Variants in UNC50 observed in about 807,000 individuals in gnomAD.
UNC50 encodes the protein protein unc-50 homolog.
Under a neutral mutation model 31.5 loss-of-function variants are expected in UNC50, and 24 were observed. The observed-to-expected ratio is 0.76, with a 90% CI of 0.55 to 1.07. The LOEUF (loss-of-function observed/expected upper bound fraction) is 1.07, where lower values mean the gene tolerates loss of function less well. Among genes scored for constraint, UNC50 ranks in the 50% least tolerant of loss-of-function variants. The pLI, the probability that UNC50 is intolerant of heterozygous loss-of-function variation, is 0.00. For synonymous variants in UNC50, 118 were observed against 114.7 expected (o/e 1.03, Z -0.18); for missense variants, 245 against 304.2 (o/e 0.81, Z 1.45).
intron 5 of UNC50, 46 bp from the exon 6 acceptor site, chr2:98,618,118 CATTT>C (rs1553534033): frequency 6.2e-6 from 8 of 1,289,948 alleles, no homozygotes; most frequent in South Asian, 4.5e-5. Flanking sequence ...ATTTATTAGT[CATTT>C]ATTTTTTTTT....
chr2:98,611,989 C>CCACA (rs150818166), intron 3 of UNC50, among the ~76,000 whole-genome samples: 1 of 143,034 alleles, frequency 7.0e-6, no homozygotes, highest in Non-Finnish European at 1.6e-5. Context: ...CCCCCCACCG[C>CCACA]CACACACACA....
At position 98,618,148 on chromosome 2, in the gene UNC50, T is replaced by C. The variant is rs759333255; in HGVS notation, c.644-20T>C. ...ATTTTTTTTTTTTTTTAAATCAGTT[T>C]GGATTCCTTTCTTTTCCAGCATTGC... On this transcript the variant is annotated intron_variant, in intron 5 of 5. Transcript: ENST00000357765. 5.9e-6 allele frequency: 9 copies of C among 1,521,038 alleles called. No homozygotes were observed. The South Asian group carries it at 1.2e-4, about 19-fold the overall frequency. 94.2% of individuals were successfully genotyped at this position (1,521,038 alleles called of 1,614,324 possible). A position where few individuals can be genotyped will look rare whatever the true frequency, so the allele number is the denominator to read the frequency against.
At chr2:98,618,014 C>T (rs1700961769) in intron 5 of UNC50, 154 bp from the exon 6 acceptor site, 1 of 801,084 alleles carries the variant, frequency 1.2e-6, no homozygotes, top group South Asian at 2.1e-5. Context: ...GAAGAGTAGT[C>T]TAGTTCTGGG....
intron 1 of UNC50, chr2:98,609,552 C>G (rs1477371221): frequency 2.9e-6 from 2 of 699,416 alleles, no homozygotes; most frequent in Non-Finnish European, 4.9e-6. Flanking sequence ...GGGCTGTTGC[C>G]CTTGCCTGAG....
At chr2:98,616,830 C>T (rs1575232214) in intron 5 of UNC50, among the ~76,000 whole-genome samples, 1 of 152,220 alleles carries the variant, frequency 6.6e-6, no homozygotes, top group East Asian at 1.9e-4. Context: ...TACTGGTTAT[C>T]TCCAGATGAC....
In UNC50 at chr2:98,609,855, C is replaced by G; in HGVS notation, c.96C>G (p.Tyr32Ter). Residue 32 changes from tyrosine to a stop codon, truncating the protein, a stop_gained, in exon 2 of 6, where the codon TAC (tyrosine) becomes TAG (stop). Transcript: ENST00000357765. LOFTEE classifies it high-confidence loss of function. ...GACACACAGCCGGAGCGAAACGCTACAAATATCTGAGAAGGCTTTTCCGCT... is the reference window on the plus strand; with the variant it reads ...GACACACAGCCGGAGCGAAACGCTAGAAATATCTGAGAAGGCTTTTCCGCT... The part of the protein sequence containing the change: ...AARHTAGAKR[Y>*]KYLRRLFRFR... 2.5e-6 allele frequency: 4 copies of G among 1,614,216 alleles called. No homozygotes were observed. Among genetic ancestry groups the G allele is most frequent in the Non-Finnish European group, 3.4e-6 (4 of 1,180,040 alleles).
rs991828158 is a variant in UNC50, at chr2:98,618,344, A to C, written c.*40A>C. On this transcript the variant is annotated 3_prime_UTR_variant, in exon 6 of 6. Coordinates refer to ENST00000357765, the MANE Select transcript of UNC50 (RefSeq NM_014044.7). ...ATTCAATCGTAACTGTGTCAACAGT[A>C]TTGTGAAGTGATCATTTCTTGTAAA... 1 of 1,538,350 alleles carries C rather than the reference A, an allele frequency of 6.5e-7. No homozygotes were observed. Among genetic ancestry groups the C allele is most frequent in the Non-Finnish European group, 8.7e-7 (1 of 1,143,060 alleles).
intron 3 of UNC50, among the ~76,000 whole-genome samples, chr2:98,615,558 C>T (rs987334322): frequency 8.5e-5 from 13 of 152,160 alleles, no homozygotes; most frequent in Admixed American, 2.0e-4. Context: ...TTCAGAGTAT[C>T]GTGTGTGCCA....
In UNC50 at chr2:98,618,154, CCTTT is replaced by C; in HGVS notation, c.644-9_644-6del. 7 of 1,482,596 alleles carry C rather than the reference CCTTT, an allele frequency of 4.7e-6. No individual in the cohort carries two copies. Among genetic ancestry groups the C allele is most frequent in the Non-Finnish European group, 5.4e-6 (6 of 1,113,784 alleles). 91.8% of individuals were successfully genotyped at this position (1,482,596 alleles called of 1,614,324 possible). On this transcript the variant is annotated splice_polypyrimidine_tract_variant and intron_variant, in intron 5 of 5. Transcript: ENST00000357765. The stretch of plus-strand genomic sequence containing the variant: ...TTTTTTTTTTAAATCAGTTTGGATT[CCTTT>C]CTTTTCCAGCATTGCCATTTTTGAA...
Position 98,617,293 on chromosome 2 carries a change from C to G in UNC50, c.643+760C>G, listed in dbSNP as rs573826379. 4.2e-4 allele frequency among the ~76,000 whole-genome samples: 64 copies of G among 152,300 alleles called. No homozygotes were observed. The South Asian group carries it at 0.012, about 28-fold the overall frequency. The stretch of plus-strand genomic sequence containing the variant: ...GTAAATACAGATGGCTCTGACTATG[C>G]CTGGCTCCGGAGTTATTCCCACCCC... On this transcript the variant is annotated intron_variant, in intron 5 of 5. Coordinates refer to ENST00000357765, the MANE Select transcript of UNC50 (RefSeq NM_014044.7).
At chr2:98,611,968 GC>G (rs1336436643) in intron 3 of UNC50, among the ~76,000 whole-genome samples, 10 of 100,044 alleles carry the variant, frequency 1.0e-4, no homozygotes, top group African/African-American at 2.5e-4. Flanking sequence ...CACACCCTCC[GC>G]CCCCCCCGCC....
At chr2:98,612,170 ATGG>A (rs1190962901) in intron 3 of UNC50, among the ~76,000 whole-genome samples, 1 of 152,194 alleles carries the variant, frequency 6.6e-6, no homozygotes, top group Non-Finnish European at 1.5e-5. Flanking sequence ...TTGGGTAGAC[ATGG>A]TGGTCATTGT....
chr2:98,610,961 A>G (rs184868604), intron 3 of UNC50, 66 bp downstream of exon 3: 2 of 1,520,652 alleles, frequency 1.3e-6, no homozygotes, highest in African/African-American at 1.4e-5. Context: ...CTTCAGAGGT[A>G]CAATAGCAGC....
Position 98,609,881 on chromosome 2 carries a change from T to C in UNC50, c.122T>C (p.Phe41Ser). Residue 41 changes from phenylalanine (F) to serine (S), a missense_variant, in exon 2 of 6, where the codon TTT becomes TCT. Phe to Ser is a radical substitution (Grantham distance 155). Transcript: ENST00000357765. The part of the protein sequence containing the change: ...RYKYLRRLFR[F>S]RQMDFEFAAW... ...AAATATCTGAGAAGGCTTTTCCGCT[T>C]TCGGCAAATGGACTTTGAATTTGCT... 1 of 1,614,242 alleles carries C rather than the reference T, an allele frequency of 6.2e-7. No individual in the cohort carries two copies. Among genetic ancestry groups the C allele is most frequent in the Non-Finnish European group, 8.5e-7 (1 of 1,180,038 alleles).
chr2:98,610,015 G>A lies in UNC50; in HGVS notation c.256G>A (p.Val86Ile), dbSNP rs927073538. ...QWARDDPAFL[V>I]LLSIWLCVST... ...GGCCAGAGATGACCCTGCTTTCTTG[G>A]TCCTGTTAAGTATCTGGCTCTGTGG... The change falls in exon 2 of 6, where the codon GTC (valine) becomes ATC (isoleucine). Residue 86 changes from valine (V) to isoleucine (I), a missense_variant. Transcript: ENST00000357765. The A allele has an allele frequency of 6.2e-7, 1 of 1,613,822 alleles. No homozygotes were observed. The highest frequency in any genetic ancestry group is 8.5e-7 in the Non-Finnish European group (1 of 1,179,704).
intron 3 of UNC50, among the ~76,000 whole-genome samples, chr2:98,613,806 A>G (rs1424430976): frequency 6.6e-6 from 1 of 152,250 alleles, no homozygotes; most frequent in East Asian, 1.9e-4. Context: ...TTGAGAACCT[A>G]TGTTGTGTGA....
intron 1 of UNC50, chr2:98,609,244 G>T (rs192860824): frequency 5.6e-5 from 9 of 159,694 alleles, no homozygotes; most frequent in Admixed American, 4.9e-4. Flanking sequence ...CTAGGGATCG[G>T]AGTTTTTCTT....
Position 98,616,217 on chromosome 2 carries a change from AAC to A in UNC50, c.414_415del (p.Asn138LysfsTer12). ...TAATTTTGCTCTTAGGTTCATCTCT[AAC>A]AAGTATTTAGTGAAACGACAGAGCA... is the stretch of plus-strand genomic sequence containing the variant. Reference protein sequence around the residue: ...LIATLMWFISNKYLVKRQSRD... With the variant: ...LIATLMWFISXKYLVKRQSRD... On this transcript the variant is annotated frameshift_variant, in exon 4 of 6. Coordinates refer to ENST00000357765, the MANE Select transcript of UNC50 (RefSeq NM_014044.7). LOFTEE classifies it high-confidence loss of function. 2 of 1,609,994 alleles carry A rather than the reference AAC, an allele frequency of 1.2e-6. No individual in the cohort carries two copies. The highest frequency in any genetic ancestry group is 1.7e-6 in the Non-Finnish European group (2 of 1,178,904).
intron 5 of UNC50, among the ~76,000 whole-genome samples, chr2:98,616,796 C>T (rs1482547468): frequency 1.3e-5 from 2 of 152,170 alleles, no homozygotes; most frequent in Non-Finnish European, 2.9e-5. Flanking sequence ...AGATTTTATA[C>T]TTTCAAGGAA....
Sources: allele counts gnomAD v4.1 joint callset (sites outside exome capture counted in the v4.1 genomes callset), GRCh38; gene constraint gnomAD v4.1.1; transcripts MANE v1.5; gene names NCBI Gene and HGNC (gene_info 2026-07-23, HGNC 2026-07-21).